The following DGKH variants were observed in gnomAD, a reference collection of about 807,000 sequenced individuals.
DGKH encodes DAG kinase eta.
A neutral mutation model predicts 159.3 loss-of-function variants in DGKH; 90 were observed. That is an observed-to-expected ratio of 0.57 (90% CI 0.48 to 0.67). DGKH has a LOEUF of 0.67. DGKH is among the 30% of genes least tolerant of loss of function. DGKH has a pLI of 0.00. For missense variants in DGKH, 1,181 were observed against 1,506.1 expected, an observed-to-expected ratio of 0.78 and a Z score of 3.57; for synonymous variants, 536 against 553.8, an observed-to-expected ratio of 0.97 and a Z score of 0.45.
In DGKH at chr13:42,241,703, CGTTG is replaced by C. The variant is rs1958517080; in HGVS notation, c.*12516_*12519del. 6.6e-6 allele frequency: 1 copy of C among 152,106 alleles called. No homozygotes were observed. The highest frequency in any genetic ancestry group is 1.5e-5 in the Non-Finnish European group (1 of 68,016). The allele number at this position is 152,106 out of a possible 1,614,324, so 9.4% of individuals were successfully genotyped here. ...TTCAGAGGCTCCATTTGAAGATGTG[CGTTG>C]ATGTTTCCTTGATTATTTTGAATGA... On this transcript the variant is annotated 3_prime_UTR_variant, in exon 30 of 30. Coordinates refer to ENST00000337343, the MANE Select transcript of DGKH (RefSeq NM_178009.5).
intron 3 of DGKH, among the ~76,000 whole-genome samples, chr13:42,134,092 A>C (rs765671316): frequency 6.6e-6 from 1 of 152,224 alleles, no homozygotes. Flanking sequence ...TGGAAACTAC[A>C]TAAACGGTAA....
chr13:42,211,073 A>G (rs1383358417), intron 24 of DGKH, among the ~76,000 whole-genome samples: 1 of 152,194 alleles, frequency 6.6e-6, no homozygotes, highest in Non-Finnish European at 1.5e-5. Context: ...TCAAAAACCA[A>G]TTTCTGACAA....
intron 29 of DGKH, among the ~76,000 whole-genome samples, chr13:42,248,282 C>G (rs1215055532): frequency 6.6e-6 from 1 of 152,072 alleles, no homozygotes; most frequent in South Asian, 2.1e-4. Flanking sequence ...ATTAGCTGGA[C>G]ATGGTGGCAC....
chr13:42,209,781 A>G (rs188931747), intron 23 of DGKH, among the ~76,000 whole-genome samples: 3 of 152,280 alleles, frequency 2.0e-5, no homozygotes, highest in African/African-American at 7.2e-5. Flanking sequence ...CACATTTGTT[A>G]CAACTGTTGA....
intron 3 of DGKH, among the ~76,000 whole-genome samples, chr13:42,150,357 C>T (rs1955846350): frequency 6.6e-6 from 1 of 152,092 alleles, no homozygotes; most frequent in Non-Finnish European, 1.5e-5. Context: ...CACTATTTGT[C>T]TAGTATAACA....
rs1013543717 is a variant in DGKH at position 42,234,316 on chromosome 13, G to A, written c.*5128G>A. On this transcript the variant is annotated 3_prime_UTR_variant, in exon 30 of 30. Coordinates refer to ENST00000337343, the MANE Select transcript of DGKH (RefSeq NM_178009.5). ...GAACTTATTTTTAACAGGAATCAAGGAAGAAAATATTCATGCAGAGCTATG... is the reference window on the plus strand; with the variant it reads ...GAACTTATTTTTAACAGGAATCAAGAAAGAAAATATTCATGCAGAGCTATG... 1.2e-4 allele frequency: 18 copies of A among 152,134 alleles called. No individual in the cohort carries two copies. The highest frequency in any genetic ancestry group is 1.5e-5 in the Non-Finnish European group (1 of 68,028). 9.4% of individuals were successfully genotyped at this position (152,134 alleles called of 1,614,324 possible). A position where few individuals can be genotyped will look rare whatever the true frequency, so the allele number is the denominator to read the frequency against.
At chr13:42,103,810 C>T (rs946917165) in intron 1 of DGKH, among the ~76,000 whole-genome samples, 1 of 152,080 alleles carries the variant, frequency 6.6e-6, no homozygotes, top group East Asian at 1.9e-4. Context: ...GGAGTGGATA[C>T]CTAAACCAAA....
chr13:42,149,018 C>G (rs1955811650), intron 3 of DGKH, among the ~76,000 whole-genome samples: 1 of 142,722 alleles, frequency 7.0e-6, no homozygotes, highest in Admixed American at 7.3e-5. Context: ...GATCATAGCT[C>G]ACTGTAGCCT....
In DGKH at chr13:42,041,068, C is replaced by T. The variant is rs74049562; in HGVS notation, c.-13+942C>T. On this transcript the variant is annotated intron_variant, in intron 1 of 29. Coordinates refer to the DGKH transcript ENST00000379274. Reference sequence around the variant, plus strand: ...TGCTTCCCAGCCGGGTTAGCGCTTCCTCCGCCGCCCGGGCTCCTCCTCGCG... The same window carrying T: ...TGCTTCCCAGCCGGGTTAGCGCTTCTTCCGCCGCCCGGGCTCCTCCTCGCG... Among the ~76,000 whole-genome samples the T allele has an allele frequency of 2.3e-3, 349 of 152,114 alleles. 1 individual carries two copies. The highest frequency in any genetic ancestry group is 7.9e-3 in the African/African-American group (330 of 41,526).
Position 42,230,539 on chromosome 13 carries a change from C to G in DGKH, c.*1351C>G, listed in dbSNP as rs1958262671. ...ATAAGCTTTCTTTAGCCATTATATA[C>G]CAAAACATTAATTATAATATTTTAA... On this transcript the variant is annotated 3_prime_UTR_variant, in exon 30 of 30. Transcript: ENST00000337343. The G allele has an allele frequency of 6.6e-6, 1 of 151,824 alleles. No homozygotes were observed. Among genetic ancestry groups the G allele is most frequent in the African/African-American group, 2.4e-5 (1 of 41,326 alleles). The allele number at this position is 151,824 out of a possible 1,614,324, so 9.4% of individuals were successfully genotyped here. A position where few individuals can be genotyped will look rare whatever the true frequency, so the allele number is the denominator to read the frequency against.
intron 1 of DGKH, among the ~76,000 whole-genome samples, chr13:42,104,589 TTCCGCTCATG>T (rs1238752237): frequency 1.3e-5 from 2 of 152,172 alleles, no homozygotes; most frequent in African/African-American, 4.8e-5. Context: ...CATCCCTCAT[TTCCGCTCATG>T]TCCTGTTGGC....
chr13:42,187,101 G>T lies in DGKH; in HGVS notation c.1591G>T (p.Asp531Tyr). Residue 531 changes from aspartate to tyrosine, a missense_variant, in exon 14 of 30, where the codon GAC becomes TAC. By Grantham distance (160) the Asp-to-Tyr change is radical (BLOSUM62 -3). Coordinates refer to ENST00000337343, the MANE Select transcript of DGKH (RefSeq NM_178009.5). Reference protein sequence around the residue: ...DFVAKVEKTYDKTLENAVVAD... With the variant: ...DFVAKVEKTYYKTLENAVVAD... ...CGTTGCCAAAGTAGAAAAGACGTATGACAAAACCTTGGAAAATGCCGTTGT... is the reference window on the plus strand; with the variant it reads ...CGTTGCCAAAGTAGAAAAGACGTATTACAAAACCTTGGAAAATGCCGTTGT... 6.2e-7 allele frequency: 1 copy of T among 1,614,100 alleles called. No homozygotes were observed. The highest frequency in any genetic ancestry group is 1.1e-5 in the South Asian group (1 of 91,056).
chr13:42,070,302 A>G, intron 1 of DGKH: 1 of 1,286,354 alleles, frequency 7.8e-7, no homozygotes, highest in Non-Finnish European at 1.1e-6. Context: ...TGTAAACTGG[A>G]ATTACGCTGA....
intron 1 of DGKH, among the ~76,000 whole-genome samples, chr13:42,107,095 T>A (rs1228075187): frequency 6.6e-6 from 1 of 152,252 alleles, no homozygotes; most frequent in Non-Finnish European, 1.5e-5. Flanking sequence ...TGTGTGAATC[T>A]ATTGCAATTT....
downstream of DGKH, among the ~76,000 whole-genome samples, chr13:42,246,181 T>C (rs1028660359): frequency 1.4e-4 from 21 of 152,318 alleles, no homozygotes; most frequent in Admixed American, 1.3e-4. Context: ...CATAAGTTCT[T>C]GTGCCACCAC....
chr13:42,216,594 C>A, intron 26 of DGKH: 1 of 152,300 alleles, frequency 6.6e-6, no homozygotes, highest in Non-Finnish European at 1.5e-5. Flanking sequence ...CTGTTTTCGC[C>A]TATGGTCCAG....
chr13:42,190,264 T>C (rs1374071077), intron 15 of DGKH, 139 bp from the exon 16 acceptor site: 4 of 975,936 alleles, frequency 4.1e-6, no homozygotes, highest in Non-Finnish European at 4.3e-6. Context: ...CAACCCCAAG[T>C]TCATTGCTAA....
At chr13:42,204,042 T>A (rs1957404006) in intron 20 of DGKH, among the ~76,000 whole-genome samples, 1 of 152,088 alleles carries the variant, frequency 6.6e-6, no homozygotes, top group South Asian at 2.1e-4. Context: ...TGTTGCTTAA[T>A]ATATATATAT....
At chr13:42,100,779 C>T (rs77883678) in intron 1 of DGKH, among the ~76,000 whole-genome samples, 2,420 of 152,168 alleles carry the variant, frequency 0.016, 62 homozygotes, top group East Asian at 0.093. Context: ...TCATAGTTGC[C>T]CTCAGCACCT....
Sources: allele counts gnomAD v4.1 joint callset (sites outside exome capture counted in the v4.1 genomes callset), GRCh38; gene constraint gnomAD v4.1.1; transcripts MANE v1.5; gene names NCBI Gene and HGNC (gene_info 2026-07-23, HGNC 2026-07-21).